DAB1: variants seen among roughly 807,000 people sequenced by gnomAD.
DAB1 encodes the protein DAB adaptor protein 1, also known as disabled homolog 1.
In DAB1, 15 loss-of-function variants were observed where a neutral mutation model predicts 64.6. That is an observed-to-expected ratio of 0.23 (90% CI 0.16 to 0.36). DAB1 has a LOEUF of 0.36. DAB1 is among the 10% of genes least tolerant of loss of function. DAB1 has a pLI of 1.00. For missense variants in DAB1, 596 were observed against 706.7 expected (o/e 0.84, Z 1.78); for synonymous variants, 235 against 251.9 (o/e 0.93, Z 0.64).
chr1:57,069,123 A>G (rs1001408072), intron 8 of DAB1, among the ~76,000 whole-genome samples: 20 of 152,274 alleles, frequency 1.3e-4, no homozygotes, highest in Admixed American at 4.6e-4. Context: ...TTTTGTTTCT[A>G]CTTAAAATAG....
At chr1:58,086,647 C>T (rs776517123) in intron 5 of DAB1, among the ~76,000 whole-genome samples, 2 of 151,904 alleles carry the variant, frequency 1.3e-5, no homozygotes, top group African/African-American at 2.4e-5. Flanking sequence ...CCCATCTCTA[C>T]CCTACTGCCT....
At chr1:57,793,440 T>C (rs1418347528) in intron 6 of DAB1, among the ~76,000 whole-genome samples, 2 of 152,172 alleles carry the variant, frequency 1.3e-5, no homozygotes, top group Non-Finnish European at 2.9e-5. Context: ...TAGAAAGTCA[T>C]GAAGAAGAGA....
At chr1:57,759,841 C>T (rs1255827732) in intron 6 of DAB1, among the ~76,000 whole-genome samples, 1 of 151,758 alleles carries the variant, frequency 6.6e-6, no homozygotes, top group Non-Finnish European at 1.5e-5. Flanking sequence ...GTGTAACTTA[C>T]ACGCAATTGT....
chr1:57,569,980 G>A (rs998163662), intron 7 of DAB1, among the ~76,000 whole-genome samples: 10 of 152,104 alleles, frequency 6.6e-5, no homozygotes, highest in African/African-American at 2.2e-4. Context: ...AGATGTGTAT[G>A]GGTTCAAGTT....
At chr1:58,427,782 G>A (rs943063122) in intron 3 of DAB1, among the ~76,000 whole-genome samples, 23 of 152,022 alleles carry the variant, frequency 1.5e-4, no homozygotes, top group African/African-American at 4.8e-5. Context: ...ATAGGGAGTT[G>A]GTCATGTAAA....
At chr1:57,633,886 A>C (rs1646020639) in intron 7 of DAB1, among the ~76,000 whole-genome samples, 1 of 152,256 alleles carries the variant, frequency 6.6e-6, no homozygotes, top group South Asian at 2.1e-4. Flanking sequence ...ATCTTTTAAA[A>C]ATGATTAGGT....
intron 4 of DAB1, among the ~76,000 whole-genome samples, chr1:58,334,423 C>T (rs917939876): frequency 6.6e-6 from 1 of 151,834 alleles, no homozygotes; most frequent in East Asian, 1.9e-4. Context: ...TGCAACAAAA[C>T]CTGACTAATA....
At chr1:58,493,531 C>A (rs1445854167) in intron 3 of DAB1, among the ~76,000 whole-genome samples, 3 of 151,160 alleles carry the variant, frequency 2.0e-5, no homozygotes, top group South Asian at 4.2e-4. Context: ...TCGTCTCAGC[C>A]CAAAATCTCC....
rs561594480 is a variant in DAB1, at chr1:58,542,046, C to T, written n.32+4657G>A. ...AGTTTTAATAGTATTATCTATATAT[C>T]AAACCATTTGAAAATTACTCAAATT... On this transcript the variant is annotated intron_variant and non_coding_transcript_variant, in intron 1 of 20. Coordinates refer to the DAB1 transcript ENST00000485760. Among the ~76,000 whole-genome samples, 18 of 152,266 alleles carry T rather than the reference C, an allele frequency of 1.2e-4. 1 individual carries two copies. The South Asian group carries it at 3.7e-3, about 32-fold the overall frequency.
intron 1 of DAB1, among the ~76,000 whole-genome samples, chr1:58,533,513 T>C (rs1302294146): frequency 1.3e-5 from 2 of 152,286 alleles, no homozygotes; most frequent in East Asian, 3.9e-4. Context: ...ACATGACACA[T>C]CATTCTAGAC....
intron 5 of DAB1, among the ~76,000 whole-genome samples, chr1:58,021,797 T>G (rs571662508): frequency 2.0e-5 from 3 of 152,238 alleles, no homozygotes; most frequent in Non-Finnish European, 2.9e-5. Flanking sequence ...AAGCAGTGGG[T>G]CTGAAAGGGC....
chr1:58,249,868 G>C (rs1350512192), intron 4 of DAB1, among the ~76,000 whole-genome samples: 1 of 152,210 alleles, frequency 6.6e-6, no homozygotes, highest in Non-Finnish European at 1.5e-5. Context: ...GGCGGCCCTC[G>C]CCTGCGCCTT....
chr1:57,333,517 C>T (rs1358777694), intron 1 of DAB1, among the ~76,000 whole-genome samples: 2 of 152,210 alleles, frequency 1.3e-5, no homozygotes, highest in African/African-American at 2.4e-5. Flanking sequence ...TTCTCCACCT[C>T]GCTTGCATTG....
intron 5 of DAB1, among the ~76,000 whole-genome samples, chr1:57,966,265 A>G (rs1645663497): frequency 6.6e-6 from 1 of 152,092 alleles, no homozygotes; most frequent in African/African-American, 2.4e-5. Flanking sequence ...GGAAGAGCTG[A>G]CCCCTGGAAT....
At chr1:58,230,495 C>A (rs1033370311) in intron 4 of DAB1, among the ~76,000 whole-genome samples, 1 of 152,160 alleles carries the variant, frequency 6.6e-6, no homozygotes, top group African/African-American at 2.4e-5. Flanking sequence ...AAAAAACCCA[C>A]CTCTACAACA....
At chr1:57,827,677 G>C (rs528378683) in intron 1 of DAB1, among the ~76,000 whole-genome samples, 6 of 152,126 alleles carry the variant, frequency 3.9e-5, no homozygotes, top group African/African-American at 1.4e-4. Context: ...GTATTTCAAG[G>C]TCCAGTTAAA....
intron 1 of DAB1, among the ~76,000 whole-genome samples, chr1:57,319,974 T>C (rs1439587368): frequency 6.6e-6 from 1 of 152,208 alleles, no homozygotes; most frequent in Non-Finnish European, 1.5e-5. Flanking sequence ...GGCACAGGGC[T>C]GAAAGAAAGA....
intron 1 of DAB1, among the ~76,000 whole-genome samples, chr1:57,320,238 A>G (rs1175919849): frequency 1.3e-5 from 2 of 152,136 alleles, no homozygotes; most frequent in Admixed American, 6.5e-5. Context: ...CATGATTCTA[A>G]GAAGTTTCCT....
At chr1:58,072,373 C>T (rs1464727213) in intron 5 of DAB1, among the ~76,000 whole-genome samples, 2 of 152,140 alleles carry the variant, frequency 1.3e-5, no homozygotes, top group Non-Finnish European at 2.9e-5. Flanking sequence ...TCCCATTTTA[C>T]AAAATTAACA....
Sources: allele counts gnomAD v4.1 joint callset (sites outside exome capture counted in the v4.1 genomes callset), GRCh38; gene constraint gnomAD v4.1.1; transcripts MANE v1.5; gene names NCBI Gene and HGNC (gene_info 2026-07-23, HGNC 2026-07-21).